Variants in RBBP8 observed in about 807,000 individuals in gnomAD.
RBBP8 encodes DNA endonuclease RBBP8.
RBBP8 carries 88 observed loss-of-function variants against 108.3 expected under a neutral mutation model. The ratio of observed to expected loss-of-function variants is 0.81; its 90% CI spans 0.68 to 0.97. The LOEUF is 0.97. Ranked by LOEUF, RBBP8 falls within the 50% of genes least tolerant of loss-of-function variation. RBBP8 has a pLI of 0.00. For synonymous variants in RBBP8, 332 were observed against 348.2 expected (o/e 0.95, Z 0.52); for missense variants, 1,023 against 1,049.0 (o/e 0.98, Z 0.34).
At chr18:23,015,749 T>TA (rs950709688) in intron 16 of RBBP8, among the ~76,000 whole-genome samples, 11 of 151,976 alleles carry the variant, frequency 7.2e-5, no homozygotes, top group Admixed American at 4.6e-4. Flanking sequence ...GGCTCCTATG[T>TA]AAAAAAAATC....
intron 16 of RBBP8, among the ~76,000 whole-genome samples, chr18:23,014,103 A>T (rs2046216910): frequency 1.3e-5 from 2 of 151,838 alleles, no homozygotes; most frequent in African/African-American, 4.8e-5. Flanking sequence ...AGTTCAAGTG[A>T]TTCTCGTGCC....
chr18:22,948,393 A>T (rs983174888), intron 3 of RBBP8, among the ~76,000 whole-genome samples: 5 of 151,838 alleles, frequency 3.3e-5, no homozygotes, highest in African/African-American at 1.2e-4. Context: ...TTATTTATTT[A>T]TTTTTGTTAA....
chr18:22,997,598 G>T (rs563600976), intron 13 of RBBP8, 22 bp from the exon 14 acceptor site: 76 of 1,443,698 alleles, frequency 5.3e-5, no homozygotes, highest in East Asian at 3.2e-4. Flanking sequence ...TAAAATTTTT[G>T]ATTTTTAAAA....
At chr18:22,985,102 T>A in intron 8 of RBBP8, 112 bp downstream of exon 8, 1 of 1,412,270 alleles carries the variant, frequency 7.1e-7, no homozygotes, top group Non-Finnish European at 9.5e-7. Context: ...CCATATAATT[T>A]TGTTTATATT....
At position 22,987,623 on chromosome 18, in the gene RBBP8, T is replaced by C. The variant is rs554190670; in HGVS notation, c.710-1598T>C. Among the ~76,000 whole-genome samples the C allele has an allele frequency of 6.6e-5, 10 of 152,140 alleles. No individual in the cohort carries two copies. The East Asian group carries it at 1.4e-3, about 21-fold the overall frequency. On this transcript the variant is annotated intron_variant, in intron 8 of 18. Transcript: ENST00000327155. ...CACACACCACCATGTCTGGCTGATA[T>C]TTGTATTTTTGTAGAACAGTGTTTC...
At chr18:22,972,727 T>C (rs1169079805) in intron 5 of RBBP8, among the ~76,000 whole-genome samples, 3 of 152,246 alleles carry the variant, frequency 2.0e-5, no homozygotes, top group Non-Finnish European at 4.4e-5. Context: ...CACTTAACTT[T>C]GATGATCTTC....
chr18:22,952,123 T>C (rs1372611289), intron 4 of RBBP8, among the ~76,000 whole-genome samples: 1 of 152,192 alleles, frequency 6.6e-6, no homozygotes, highest in Non-Finnish European at 1.5e-5. Flanking sequence ...ATTGGAAATC[T>C]AGTGGGGCAA....
At position 23,006,346 on chromosome 18, in the gene RBBP8, G is replaced by T; in HGVS notation, c.2288-17G>T. On this transcript the variant is annotated splice_polypyrimidine_tract_variant and intron_variant, in intron 15 of 18. Transcript: ENST00000327155. ...AAGTTCTACATTTAGTTTGTAATGT[G>T]CATGTTTTATTTATAGCTCATGGTG... 2 of 1,601,544 alleles carry T rather than the reference G, an allele frequency of 1.2e-6. No individual in the cohort carries two copies. Among genetic ancestry groups the T allele is most frequent in the Non-Finnish European group, 8.6e-7 (1 of 1,168,982 alleles).
chr18:22,944,481 G>A (rs529796192), intron 2 of RBBP8, among the ~76,000 whole-genome samples: 34 of 152,024 alleles, frequency 2.2e-4, no homozygotes, highest in Non-Finnish European at 4.0e-4. Context: ...GTAAAATTTC[G>A]CACATTTTTG....
At chr18:23,017,793 C>T (rs1417238636) in intron 17 of RBBP8, among the ~76,000 whole-genome samples, 2 of 117,696 alleles carry the variant, frequency 1.7e-5, no homozygotes, top group East Asian at 5.1e-4. Flanking sequence ...GTTGCCCAGG[C>T]TGGAATGTAG....
At chr18:22,920,097 C>T (rs1011132588) in intron 3 of RBBP8, among the ~76,000 whole-genome samples, 3 of 151,862 alleles carry the variant, frequency 2.0e-5, no homozygotes, top group Middle Eastern at 3.2e-3. Context: ...CCACGGTAAG[C>T]GGATTGCTTG....
At chr18:23,024,497 T>C (rs1270203268) in intron 18 of RBBP8, 1 of 152,178 alleles carries the variant, frequency 6.6e-6, no homozygotes, top group Admixed American at 6.5e-5. Flanking sequence ...AGCAGGGACT[T>C]TTCTGACCTC....
intron 15 of RBBP8, among the ~76,000 whole-genome samples, chr18:23,005,897 G>T (rs150269070): frequency 0.014 from 2,205 of 152,136 alleles, 64 homozygotes; most frequent in African/African-American, 0.051. Context: ...GAAAAAAGTA[G>T]TTGCAGAGGC....
chr18:22,935,977 C>G (rs1318558552), intron 1 of RBBP8, among the ~76,000 whole-genome samples: 1 of 152,130 alleles, frequency 6.6e-6, no homozygotes, highest in Admixed American at 6.5e-5. Context: ...GTTAATACAT[C>G]AGTCAACTGT....
chr18:22,938,399 G>A (rs536123665), intron 2 of RBBP8, among the ~76,000 whole-genome samples: 2 of 152,066 alleles, frequency 1.3e-5, no homozygotes, highest in Non-Finnish European at 2.9e-5. Context: ...TGTTGCCCAG[G>A]CTGGTCTCAA....
At chr18:22,950,229 G>T (rs1911918691) in intron 4 of RBBP8, among the ~76,000 whole-genome samples, 1 of 152,142 alleles carries the variant, frequency 6.6e-6, no homozygotes, top group Admixed American at 6.5e-5. Context: ...AGCATTTGCT[G>T]TTTTCCCTTT....
chr18:23,003,030 C>T (rs1193179093), intron 15 of RBBP8, among the ~76,000 whole-genome samples: 2 of 152,238 alleles, frequency 1.3e-5, no homozygotes, highest in African/African-American at 4.8e-5. Context: ...CACTGACTAT[C>T]CCAGAATTTC....
At chr18:23,005,454 C>T (rs572366951) in intron 15 of RBBP8, among the ~76,000 whole-genome samples, 2 of 151,936 alleles carry the variant, frequency 1.3e-5, no homozygotes, top group African/African-American at 2.4e-5. Context: ...TGCTCTGTTG[C>T]CAGGCTGGAG....
rs1454191014 is a variant in RBBP8 at position 22,949,713 on chromosome 18, G to A, written c.248G>A (p.Arg83Gln). 5.0e-6 allele frequency: 8 copies of A among 1,598,948 alleles called. No homozygotes were observed. Among genetic ancestry groups the A allele is most frequent in the East Asian group, 2.2e-5 (1 of 44,730 alleles). Residue 83 changes from arginine (R) to glutamine (Q), a missense_variant and splice_region_variant, in exon 4 of 19, where the codon CGG (arginine) becomes CAG (glutamine). Transcript: ENST00000327155. ...GAAACCATTAAAGTTTTAGAAGATC[G>A]GTGAGTCTGGCACTTAGGTCTTGAG... is the stretch of plus-strand genomic sequence containing the variant. ...LHETIKVLED[R>Q]LRAGLCDRCA...
Sources: allele counts gnomAD v4.1 joint callset (sites outside exome capture counted in the v4.1 genomes callset), GRCh38; gene constraint gnomAD v4.1.1; transcripts MANE v1.5; gene names NCBI Gene and HGNC (gene_info 2026-07-23, HGNC 2026-07-21).